The following NUMB variants were observed in gnomAD, a reference collection of about 807,000 sequenced individuals.
NUMB encodes NUMB endocytic adaptor protein, also known as protein numb homolog.
In NUMB, 29 loss-of-function variants were observed where a neutral mutation model predicts 59.7. That is an observed-to-expected ratio of 0.49 (90% CI 0.36 to 0.66). NUMB has a LOEUF of 0.66. Among genes scored for constraint, NUMB ranks in the 30% least tolerant of loss-of-function variants. The probability of loss-of-function intolerance (pLI) is 0.00; values close to 1 mark genes in which losing one functional copy is unlikely to be tolerated. For synonymous variants in NUMB, 288 were observed against 288.2 expected (o/e 1.00, Z 0.01); for missense variants, 723 against 822.0 (o/e 0.88, Z 1.47).
At chr14:73,291,146 T>C (rs746398847) in intron 8 of NUMB, among the ~76,000 whole-genome samples, 3 of 151,846 alleles carry the variant, frequency 2.0e-5, no homozygotes, top group Non-Finnish European at 2.9e-5. Flanking sequence ...AGTGGTGCAA[T>C]CTTGACTCAC....
At position 73,333,470 on chromosome 14, in the gene NUMB, G is replaced by A. The variant is rs114659568; in HGVS notation, c.127-10266C>T. The stretch of plus-strand genomic sequence containing the variant: ...TGATCTCGAACTCCTGGGCTCAAGC[G>A]ATCCTGCTGACTCAGCCTCCAAAAG... On this transcript the variant is annotated intron_variant, in intron 4 of 12. Coordinates refer to ENST00000555238, the MANE Select transcript of NUMB (RefSeq NM_001005743.2). Among the ~76,000 whole-genome samples, 506 of 151,930 alleles carry A rather than the reference G, an allele frequency of 3.3e-3. 3 individuals are homozygous for A. Among genetic ancestry groups the A allele is most frequent in the African/African-American group, 0.012 (488 of 41,454 alleles).
chr14:73,281,662 A>G (rs1227287210), intron 11 of NUMB: 1 of 152,232 alleles, frequency 6.6e-6, no homozygotes, highest in Non-Finnish European at 1.5e-5. Context: ...TATCTCTGAA[A>G]ACAACTTTTA....
intron 2 of NUMB, among the ~76,000 whole-genome samples, chr14:73,399,561 C>T (rs993724702): frequency 6.7e-6 from 1 of 150,102 alleles, no homozygotes; most frequent in African/African-American, 2.5e-5. Context: ...GAAACTATGT[C>T]TCAAAAAAGA....
chr14:73,404,926 A>G (rs940654623), intron 2 of NUMB, among the ~76,000 whole-genome samples: 1 of 151,994 alleles, frequency 6.6e-6, no homozygotes, highest in African/African-American at 2.4e-5. Flanking sequence ...GAGCCCGGCT[A>G]ATTTTTATAT....
At chr14:73,348,597 C>T (rs941076902) in intron 4 of NUMB, among the ~76,000 whole-genome samples, 1 of 152,160 alleles carries the variant, frequency 6.6e-6, no homozygotes, top group South Asian at 2.1e-4. Flanking sequence ...TTAGGTTGTG[C>T]GCTCCTTATG....
intron 1 of NUMB, among the ~76,000 whole-genome samples, chr14:73,452,994 A>G (rs1438047902): frequency 2.0e-5 from 3 of 152,164 alleles, no homozygotes; most frequent in Non-Finnish European, 4.4e-5. Flanking sequence ...AGAACCACTC[A>G]TTCCTCTAGA....
chr14:73,453,829 G>A (rs147609008), intron 1 of NUMB, among the ~76,000 whole-genome samples: 3,576 of 151,500 alleles, frequency 0.024, 119 homozygotes, highest in Non-Finnish European at 0.025. Context: ...GGATGGTCTC[G>A]ATCTCCTGAC....
At chr14:73,285,345 T>C (rs1888916805) in intron 9 of NUMB, 2 of 152,152 alleles carry the variant, frequency 1.3e-5, no homozygotes, top group Admixed American at 1.3e-4. Flanking sequence ...GCAGTTGTTG[T>C]GCATAACAAT....
At chr14:73,342,726 G>A (rs888907249) in intron 4 of NUMB, among the ~76,000 whole-genome samples, 2 of 152,178 alleles carry the variant, frequency 1.3e-5, no homozygotes. Context: ...CACTCATCAC[G>A]TACCAGGCAG....
intron 1 of NUMB, among the ~76,000 whole-genome samples, chr14:73,453,491 G>A (rs992300441): frequency 1.3e-5 from 2 of 151,944 alleles, no homozygotes; most frequent in African/African-American, 4.8e-5. Context: ...AGTATTTAAT[G>A]ATATCTTATT....
rs71112745 is a variant in NUMB at position 73,386,867 on chromosome 14, A to ATTTTTTTTTTTTTT, written c.-100-19900_-100-19887dup. Among the ~76,000 whole-genome samples, 23 of 79,846 alleles carry ATTTTTTTTTTTTTT rather than the reference A, an allele frequency of 2.9e-4. 5 individuals carry two copies. The highest frequency in any genetic ancestry group is 3.8e-4 in the Non-Finnish European group (17 of 44,266). The allele number at this position is 79,846 out of a possible 152,430, so 52.4% of individuals were successfully genotyped here. The stretch of plus-strand genomic sequence containing the variant: ...TACAAGACAATCTATCAGGTGTCTT[A>ATTTTTTTTTTTTTT]TTTTTTTTTTTTTTTTTTTTTTTTT... On this transcript the variant is annotated intron_variant, in intron 2 of 12. Coordinates refer to ENST00000555238, the MANE Select transcript of NUMB (RefSeq NM_001005743.2).
intron 1 of NUMB, among the ~76,000 whole-genome samples, chr14:73,450,560 CA>C (rs1297284223): frequency 6.6e-6 from 1 of 151,998 alleles, no homozygotes; most frequent in Non-Finnish European, 1.5e-5. Flanking sequence ...TTTGGGAGGC[CA>C]AGGCAGGTGG....
intron 1 of NUMB, among the ~76,000 whole-genome samples, chr14:73,414,685 C>T (rs1020791101): frequency 2.0e-5 from 3 of 152,238 alleles, no homozygotes; most frequent in African/African-American, 7.2e-5. Flanking sequence ...TCGTGCCTGG[C>T]CCCCAGATAA....
intron 4 of NUMB, among the ~76,000 whole-genome samples, chr14:73,343,772 AGGAGATAGTCTCC>A (rs1233185060): frequency 1.3e-5 from 2 of 152,068 alleles, no homozygotes; most frequent in African/African-American, 4.8e-5. Flanking sequence ...GATATCAAAA[AGGAGATAGTCTCC>A]TTTTTGGATG....
chr14:73,373,560 A>T (rs545027494), intron 2 of NUMB, among the ~76,000 whole-genome samples: 2 of 152,166 alleles, frequency 1.3e-5, no homozygotes, highest in African/African-American at 2.4e-5. Context: ...AAACATAAGT[A>T]AATTATATAG....
intron 4 of NUMB, among the ~76,000 whole-genome samples, chr14:73,341,495 TG>T (rs1247147578): frequency 6.6e-6 from 1 of 152,106 alleles, no homozygotes; most frequent in Non-Finnish European, 1.5e-5. Context: ...ACATTACCAA[TG>T]GTAAAAGCAC....
At position 73,276,759 on chromosome 14, in the gene NUMB, A is replaced by G. The variant is rs1421953038; in HGVS notation, c.1775T>C (p.Val592Ala). ...HLNGSAAFNG[V>A]DDGRLASADR... ...TGCTGAGGCCAACCTGCCATCATCTACACCATTGAAAGCTGCAGAACCGTT... is the reference window on the plus strand; with the variant it reads ...TGCTGAGGCCAACCTGCCATCATCTGCACCATTGAAAGCTGCAGAACCGTT... The change falls in exon 13 of 13, where the codon GTA (valine) becomes GCA (alanine). Residue 592 changes from valine to alanine, a missense_variant. Transcript: ENST00000555238. 1.9e-6 allele frequency: 3 copies of G among 1,614,050 alleles called. No individual in the cohort carries two copies. Among genetic ancestry groups the G allele is most frequent in the African/African-American group, 2.7e-5 (2 of 74,918 alleles).
intron 2 of NUMB, among the ~76,000 whole-genome samples, chr14:73,367,342 T>TAGAGAGAGAGAGAG (rs1350365792): frequency 2.1e-3 from 162 of 78,580 alleles, no homozygotes; most frequent in Middle Eastern, 5.4e-3. Context: ...TATATATATA[T>TAGAGAGAGAGAGAG]ATATATAGAG....
chr14:73,311,390 A>G (rs1479077716), intron 6 of NUMB, among the ~76,000 whole-genome samples: 2 of 152,136 alleles, frequency 1.3e-5, no homozygotes, highest in African/African-American at 4.8e-5. Flanking sequence ...GGAAAAAGTT[A>G]TTTCAGGTCT....
Sources: gnomAD v4.1 joint callset for allele counts (sites outside exome capture counted in the v4.1 genomes callset) on GRCh38, gnomAD v4.1.1 for gene constraint, MANE v1.5 for transcripts, NCBI Gene and HGNC (gene_info 2026-07-23, HGNC 2026-07-21) for gene names.